CDCA8: variants seen among roughly 807,000 people sequenced by gnomAD.
CDCA8 encodes borealin.
CDCA8 carries 25 observed loss-of-function variants against 40.0 expected under a neutral mutation model. The ratio of observed to expected loss-of-function variants is 0.63; its 90% CI spans 0.46 to 0.87. CDCA8 has a LOEUF of 0.87. Ranked by LOEUF, CDCA8 falls within the 40% of genes least tolerant of loss-of-function variation. CDCA8 has a pLI of 0.00. For synonymous variants in CDCA8, 111 were observed against 126.5 expected (o/e 0.88, Z 0.82); for missense variants, 280 against 348.4 (o/e 0.80, Z 1.56).
intron 2 of CDCA8, 140 bp downstream of exon 2, chr1:37,693,173 C>G (rs1645486319): frequency 2.8e-6 from 1 of 356,176 alleles, no homozygotes; most frequent in East Asian, 6.8e-5. Context: ...GACCCTTTCA[C>G]TCTCTGTCTC....
intron 3 of CDCA8, among the ~76,000 whole-genome samples, chr1:37,697,149 G>A (rs57424477): frequency 0.034 from 5,125 of 152,232 alleles, 286 homozygotes; most frequent in African/African-American, 0.12. Flanking sequence ...AGAAAGGAAC[G>A]ATAGAAAATC....
At chr1:37,694,477 C>G (rs1645513522) in intron 2 of CDCA8, among the ~76,000 whole-genome samples, 1 of 152,212 alleles carries the variant, frequency 6.6e-6, no homozygotes, top group Non-Finnish European at 1.5e-5. Context: ...TCTCTGCCTT[C>G]AGGAACATAC....
chr1:37,700,528 G>T lies in CDCA8; in HGVS notation c.423+7G>T. 6.4e-7 allele frequency: 1 copy of T among 1,564,916 alleles called. No homozygotes were observed. The highest frequency in any genetic ancestry group is 1.1e-5 in the South Asian group (1 of 89,916). On this transcript the variant is annotated splice_region_variant and intron_variant, in intron 5 of 9. Transcript: ENST00000373055. ...GAATCTTCAAACTGCAAGAGTAAGT[G>T]GACACTGAGGTTGGAGGCTGGGGGT...
rs1171458331 is a variant in CDCA8, at chr1:37,695,496, G to A, written c.224-414G>A. 2.0e-5 allele frequency among the ~76,000 whole-genome samples: 3 copies of A among 151,982 alleles called. No individual in the cohort carries two copies. In the South Asian group the frequency reaches 6.2e-4, roughly 31 times the overall value. On this transcript the variant is annotated intron_variant, in intron 2 of 9. Transcript: ENST00000373055. ...TAGTCCCAGCTACTTGGGAGGCCAA[G>A]GTGGGAGGATCAGTTGAGCCCAGGA... is the stretch of plus-strand genomic sequence containing the variant.
chr1:37,693,395 TTTAA>T (rs1645492471), intron 2 of CDCA8, among the ~76,000 whole-genome samples: 1 of 146,084 alleles, frequency 6.8e-6, no homozygotes, highest in South Asian at 2.4e-4. Context: ...AGGAAATTTA[TTTAA>T]TTTTTTTTAA....
In CDCA8 at chr1:37,703,546, C is replaced by T. The variant is rs117059165; in HGVS notation, c.584+199C>T. On this transcript the variant is annotated intron_variant, in intron 7 of 9. Coordinates refer to ENST00000373055, the MANE Select transcript of CDCA8 (RefSeq NM_001256875.2). ...GCCTGGCCAAGATGATGAAACGCTG[C>T]GTCTACTAAAAATACAAAAATTAGT... Among the ~76,000 whole-genome samples, 90 of 152,156 alleles carry T rather than the reference C, an allele frequency of 5.9e-4. 1 individual carries two copies. In the East Asian group the frequency reaches 0.017, roughly 28 times the overall value.
intron 1 of CDCA8, 54 bp from the exon 2 acceptor site, chr1:37,692,851 T>C: frequency 6.2e-7 from 1 of 1,612,760 alleles, no homozygotes. Context: ...GGACACGAGC[T>C]GCACAGATTC....
At chr1:37,694,739 A>G (rs1442902771) in intron 2 of CDCA8, among the ~76,000 whole-genome samples, 3 of 152,242 alleles carry the variant, frequency 2.0e-5, no homozygotes, top group Admixed American at 2.0e-4. Flanking sequence ...CTCATAAGCT[A>G]GTTAGTGGGA....
chr1:37,704,671 G>A (rs577541648), intron 7 of CDCA8, among the ~76,000 whole-genome samples: 15 of 118,952 alleles, frequency 1.3e-4, no homozygotes, highest in African/African-American at 3.0e-4. Flanking sequence ...TTTTTGAGAC[G>A]GAGTCTCGCT....
At position 37,700,491 on chromosome 1, in the gene CDCA8, A is replaced by T. The variant is rs761448099; in HGVS notation, c.393A>T (p.Glu131Asp). 7 of 1,610,680 alleles carry T rather than the reference A, an allele frequency of 4.3e-6. No individual in the cohort carries two copies. Among genetic ancestry groups the T allele is most frequent in the Middle Eastern group, 1.7e-4 (1 of 6,060 alleles). Residue 131 changes from glutamate (E) to aspartate (D), a missense_variant, in exon 5 of 10, where the codon GAA (glutamate) becomes GAT (aspartate). Coordinates refer to ENST00000373055, the MANE Select transcript of CDCA8 (RefSeq NM_001256875.2). Reference protein sequence around the residue: ...EMIVEEEEEEENERKNLQTAR... With the variant: ...EMIVEEEEEEDNERKNLQTAR... ...TAGTGGAAGAGGAAGAAGAAGAAGA[A>T]AATGAACGTAAGAATCTTCAAACTG...
At chr1:37,706,183 C>G (rs1318399501) in intron 8 of CDCA8, among the ~76,000 whole-genome samples, 1 of 149,686 alleles carries the variant, frequency 6.7e-6, no homozygotes, top group African/African-American at 2.5e-5. Flanking sequence ...TCTCAGCTCA[C>G]TGCAACCTCT....
At chr1:37,703,128 G>T in intron 6 of CDCA8, 124 bp from the exon 7 acceptor site, 1 of 753,600 alleles carries the variant, frequency 1.3e-6, no homozygotes, top group East Asian at 2.5e-5. Flanking sequence ...AGGGTCACGT[G>T]AGTCGATGTG....
At chr1:37,700,044 G>A (rs1645553684) in intron 4 of CDCA8, among the ~76,000 whole-genome samples, 1 of 152,222 alleles carries the variant, frequency 6.6e-6, no homozygotes, top group Non-Finnish European at 1.5e-5. Flanking sequence ...GTTTTGACTA[G>A]TGAGCAAGGA....
intron 1 of CDCA8, 21 bp from the exon 2 acceptor site, chr1:37,692,884 G>A (rs371464994): frequency 6.2e-7 from 1 of 1,613,670 alleles, no homozygotes; most frequent in Non-Finnish European, 8.5e-7. Flanking sequence ...CCCGTGTCCT[G>A]TCGGCTCTGC....
At chr1:37,698,275 C>A (rs566882541) in intron 3 of CDCA8, among the ~76,000 whole-genome samples, 117 of 152,298 alleles carry the variant, frequency 7.7e-4, no homozygotes, top group African/African-American at 2.7e-3. Context: ...AACCTATAAT[C>A]CCTGTCATGT....
Position 37,696,557 on chromosome 1 carries a change from CCAT to C in CDCA8, c.264+610_264+612del, listed in dbSNP as rs1302642410. 4.6e-5 allele frequency among the ~76,000 whole-genome samples: 7 copies of C among 152,200 alleles called. No individual in the cohort carries two copies. The highest frequency in any genetic ancestry group is 1.7e-4 in the African/African-American group (7 of 41,450). ...TACCTACATATGACTAGTAGCTACT[CCAT>C]CAGAGAGCACAGAAATAGAACATTG... On this transcript the variant is annotated intron_variant, in intron 3 of 9. Coordinates refer to ENST00000373055, the MANE Select transcript of CDCA8 (RefSeq NM_001256875.2). This position sits in a 1 kb window ranked among gnomAD's most constrained non-coding sequence, Gnocchi z 5.0.
chr1:37,707,560 GCTTA>G (rs35425461), intron 9 of CDCA8, among the ~76,000 whole-genome samples: 21,142 of 152,108 alleles, frequency 0.14, 1,546 homozygotes, highest in Non-Finnish European at 0.17. Context: ...CAGGTTCTGT[GCTTA>G]CTTAACATTG....
rs775543662 is a variant in CDCA8 at position 37,701,796 on chromosome 1, C to CAAGGAA, written c.477_482dup (p.Gly161_Lys162dup). ...ATCCAAGAAGAGAACTCAGTCCATA[C>CAAGGAA]AAGGAAAAGGAAAAGGGAAAAGGTA... On this transcript the variant is annotated inframe_insertion, in exon 6 of 10. Coordinates refer to ENST00000373055, the MANE Select transcript of CDCA8 (RefSeq NM_001256875.2). 1.2e-6 allele frequency: 2 copies of CAAGGAA among 1,612,680 alleles called. No individual in the cohort carries two copies. The highest frequency in any genetic ancestry group is 2.2e-5 in the East Asian group (1 of 44,810).
At chr1:37,693,084 A>G (rs112129534) in intron 2 of CDCA8, 51 bp downstream of exon 2, 2 of 1,568,214 alleles carry the variant, frequency 1.3e-6, no homozygotes, top group East Asian at 4.5e-5. Flanking sequence ...CCTTGGGGTT[A>G]GGTGACACCC....
Sources: allele counts gnomAD v4.1 joint callset (sites outside exome capture counted in the v4.1 genomes callset), GRCh38; gene constraint gnomAD v4.1.1; non-coding constraint Gnocchi (gnomAD v3.1); transcripts MANE v1.5; gene names NCBI Gene and HGNC (gene_info 2026-07-23, HGNC 2026-07-21).